The following KIF26B variants were observed in gnomAD, a reference collection of about 807,000 sequenced individuals.
The protein encoded by KIF26B is kinesin-like protein KIF26B.
KIF26B carries 63 observed loss-of-function variants against 151.2 expected under a neutral mutation model. The observed-to-expected ratio is 0.42, with a 90% confidence interval of 0.34 to 0.51. The LOEUF (loss-of-function observed/expected upper bound fraction) is 0.51, where lower values mean the gene tolerates loss of function less well. KIF26B is among the 20% of genes least tolerant of loss of function. The pLI, the probability that KIF26B is intolerant of heterozygous loss-of-function variation, is 0.07. For missense variants in KIF26B, 2,813 were observed against 2,913.6 expected, an observed-to-expected ratio of 0.97 and a Z score of 0.79; for synonymous variants, 1,357 against 1,262.1, an observed-to-expected ratio of 1.08 and a Z score of -1.59.
rs539963793 is a variant in KIF26B at position 245,652,687 on chromosome 1, C to T, written c.2258+6407C>T. Reference sequence around the variant, plus strand: ...CGGGGTCACAAACACTGGGTTCAAGCTTTGGTTGTTCTGCCGCTAGTTTGA... The same window carrying T: ...CGGGGTCACAAACACTGGGTTCAAGTTTTGGTTGTTCTGCCGCTAGTTTGA... On this transcript the variant is annotated intron_variant, in intron 10 of 14. Coordinates refer to ENST00000407071, the MANE Select transcript of KIF26B (RefSeq NM_018012.4). Among the ~76,000 whole-genome samples the T allele has an allele frequency of 2.6e-5, 4 of 152,270 alleles. 1 individual carries two copies. Among genetic ancestry groups the T allele is most frequent in the Admixed American group, 2.6e-4 (4 of 15,296 alleles).
At chr1:245,532,352 T>C (rs1477010334) in intron 4 of KIF26B, among the ~76,000 whole-genome samples, 1 of 150,728 alleles carries the variant, frequency 6.6e-6, no homozygotes, top group Non-Finnish European at 1.5e-5. Flanking sequence ...TTCACGCCAT[T>C]CTCCTGCCTC....
chr1:245,680,140 C>T lies in KIF26B; in HGVS notation c.2259-4093C>T, dbSNP rs79366321. 9.9e-5 allele frequency among the ~76,000 whole-genome samples: 15 copies of T among 152,268 alleles called. No individual in the cohort carries two copies. In the East Asian group the frequency reaches 2.9e-3, roughly 29 times the overall value. On this transcript the variant is annotated intron_variant, in intron 10 of 14. Coordinates refer to ENST00000407071, the MANE Select transcript of KIF26B (RefSeq NM_018012.4). ...CCTTTCTCTTTCCCTCCAAAGATTC[C>T]GAGTTCCTCCTACAGTTTGCAGCCT...
At chr1:245,246,659 G>C (rs956399034) in intron 2 of KIF26B, among the ~76,000 whole-genome samples, 1 of 152,114 alleles carries the variant, frequency 6.6e-6, no homozygotes, top group African/African-American at 2.4e-5. Flanking sequence ...CACTCCCATA[G>C]TCATTGAGGA....
chr1:245,671,915 G>A (rs1008454576), intron 10 of KIF26B, among the ~76,000 whole-genome samples: 6 of 152,198 alleles, frequency 3.9e-5, no homozygotes, highest in Admixed American at 3.9e-4. Flanking sequence ...AGGGGTGCGT[G>A]CCCCGAGCCT....
intron 3 of KIF26B, among the ~76,000 whole-genome samples, chr1:245,405,000 T>C (rs996487034): frequency 6.6e-6 from 1 of 152,254 alleles, no homozygotes; most frequent in African/African-American, 2.4e-5. Context: ...ATGGTATTTT[T>C]ACTAGTGAAA....
At chr1:245,361,182 T>C (rs1178786505) in intron 2 of KIF26B, among the ~76,000 whole-genome samples, 2 of 152,200 alleles carry the variant, frequency 1.3e-5, no homozygotes, top group Non-Finnish European at 2.9e-5. Flanking sequence ...AGCAGCCCTA[T>C]TAATCGCATT....
At chr1:245,690,650 C>T (rs1307200695) in intron 12 of KIF26B, among the ~76,000 whole-genome samples, 1 of 152,194 alleles carries the variant, frequency 6.6e-6, no homozygotes, top group Non-Finnish European at 1.5e-5. Flanking sequence ...CCCCTCATCA[C>T]AGATCACAGA....
chr1:245,344,655 C>G (rs454054), intron 2 of KIF26B, among the ~76,000 whole-genome samples: 1 of 152,124 alleles, frequency 6.6e-6, no homozygotes, highest in Middle Eastern at 3.4e-3. Context: ...TCCGCCACTT[C>G]TCTATTGCCC....
intron 1 of KIF26B, 83 bp from the exon 2 acceptor site, chr1:245,156,199 T>C (rs1420109955): frequency 5.3e-5 from 78 of 1,485,496 alleles, no homozygotes; most frequent in Non-Finnish European, 6.7e-5. Flanking sequence ...GAGCGGGTAC[T>C]TGGTGGCGCA....
Position 245,156,644 on chromosome 1 carries a change from G to A in KIF26B, c.426G>A (p.Gln142=), listed in dbSNP as rs1388074926. 6 of 1,518,438 alleles carry A rather than the reference G, an allele frequency of 4.0e-6. No homozygotes were observed. The Admixed American group carries it at 8.0e-5, about 20-fold the overall frequency. 94.1% of individuals were successfully genotyped at this position (1,518,438 alleles called of 1,614,324 possible). A position where few individuals can be genotyped will look rare whatever the true frequency, so the allele number is the denominator to read the frequency against. The change falls in exon 2 of 15, where the codon CAG becomes CAA. Residue 142 remains glutamine, a synonymous_variant. Transcript: ENST00000407071. ...CCCGCCTGGTGGAGCTCAAGAGGCA[G>A]GCCCTGAGGTTGCTCCTCCCGGGGC... ...CNARLVELKR[Q]ALRLLLPGPF... is the part of the protein sequence containing the mutation.
At position 245,405,782 on chromosome 1, in the gene KIF26B, G is replaced by C. The variant is rs559834815; in HGVS notation, c.1000-13797G>C. Among the ~76,000 whole-genome samples the C allele has an allele frequency of 2.6e-5, 4 of 152,256 alleles. No individual in the cohort carries two copies. In the South Asian group the frequency reaches 8.3e-4, roughly 32 times the overall value. On this transcript the variant is annotated intron_variant, in intron 3 of 14. Coordinates refer to ENST00000407071, the MANE Select transcript of KIF26B (RefSeq NM_018012.4). ...TGGAATAGATCTAAGGGCTTTTCCA[G>C]CTCCATTTTTAAAAATTGCTTACTG...
chr1:245,221,278 CTT>C (rs1287853691), intron 2 of KIF26B, among the ~76,000 whole-genome samples: 1 of 149,978 alleles, frequency 6.7e-6, no homozygotes, highest in African/African-American at 2.5e-5. Context: ...ATGAGCAAAA[CTT>C]TGGAAAGAGT....
At chr1:245,249,475 A>C (rs1475642744) in intron 2 of KIF26B, among the ~76,000 whole-genome samples, 1 of 144,182 alleles carries the variant, frequency 6.9e-6, no homozygotes, top group African/African-American at 2.6e-5. Flanking sequence ...TTGTTTGTGC[A>C]TATGTGTTAA....
Position 245,698,561 on chromosome 1 carries a change from T to A in KIF26B, c.6027+253T>A, listed in dbSNP as rs2044725274. ...GCCAGGGGTCGGGGGCTGGTGATCTTGGGGGCTTTTCTGGCTCCTTGAGGC... is the reference window on the plus strand; with the variant it reads ...GCCAGGGGTCGGGGGCTGGTGATCTAGGGGGCTTTTCTGGCTCCTTGAGGC... On this transcript the variant is annotated intron_variant, in intron 13 of 14. Transcript: ENST00000407071. This position sits in a 1 kb window ranked among gnomAD's most constrained non-coding sequence, Gnocchi z 4.0. Among the ~76,000 whole-genome samples, 1 of 152,160 alleles carries A rather than the reference T, an allele frequency of 6.6e-6. No individual in the cohort carries two copies.
intron 4 of KIF26B, among the ~76,000 whole-genome samples, chr1:245,442,391 T>G (rs549922456): frequency 2.6e-5 from 4 of 152,292 alleles, no homozygotes; most frequent in Admixed American, 2.6e-4. Context: ...ATGGGGGTCC[T>G]AGGTGACTTA....
chr1:245,209,410 AAAC>A (rs1402741445), intron 2 of KIF26B, among the ~76,000 whole-genome samples: 1 of 151,748 alleles, frequency 6.6e-6, no homozygotes, highest in African/African-American at 2.4e-5. Context: ...AAAAAAAATA[AAAC>A]AAGAAAAAAA....
intron 9 of KIF26B, among the ~76,000 whole-genome samples, chr1:245,629,704 A>C (rs114296538): frequency 1.3e-5 from 2 of 152,186 alleles, no homozygotes; most frequent in South Asian, 4.1e-4. Context: ...CATGAAGAAA[A>C]CACCAAAAGC....
chr1:245,279,412 A>G (rs1213755157), intron 2 of KIF26B, among the ~76,000 whole-genome samples: 2 of 150,990 alleles, frequency 1.3e-5, no homozygotes, highest in African/African-American at 4.9e-5. Flanking sequence ...GGCTCAAGCA[A>G]TCCTCCAGCT....
At chr1:245,287,729 C>G (rs1671191779) in intron 2 of KIF26B, among the ~76,000 whole-genome samples, 2 of 152,058 alleles carry the variant, frequency 1.3e-5, no homozygotes, top group Admixed American at 6.5e-5. Flanking sequence ...TCTCAAACTC[C>G]CGATCTCAGG....
Sources: allele counts gnomAD v4.1 joint callset (sites outside exome capture counted in the v4.1 genomes callset), GRCh38; gene constraint gnomAD v4.1.1; non-coding constraint Gnocchi (gnomAD v3.1); transcripts MANE v1.5; gene names NCBI Gene and HGNC (gene_info 2026-07-23, HGNC 2026-07-21).